The following AGBL1 variants were observed in gnomAD, a reference collection of about 807,000 sequenced individuals.
The protein encoded by AGBL1 is AGBL carboxypeptidase 1.
AGBL1 carries 130 observed loss-of-function variants against 118.9 expected under a neutral mutation model. The observed-to-expected ratio is 1.09, with a 90% CI of 0.95 to 1.26. The LOEUF (loss-of-function observed/expected upper bound fraction) is 1.26, where lower values mean the gene tolerates loss of function less well. Among genes scored for constraint, AGBL1 ranks in the 50% most tolerant of loss-of-function variants. The probability of loss-of-function intolerance (pLI) is 0.00; values close to 1 mark genes in which losing one functional copy is unlikely to be tolerated. For synonymous variants in AGBL1, 555 were observed against 478.9 expected (o/e 1.16, Z -2.08); for missense variants, 1,584 against 1,298.1 (o/e 1.22, Z -3.38).
intron 22 of AGBL1, among the ~76,000 whole-genome samples, chr15:86,698,127 C>T (rs1489157303): frequency 1.3e-5 from 2 of 151,964 alleles, no homozygotes; most frequent in Non-Finnish European, 1.5e-5. Flanking sequence ...CCTACCCCTT[C>T]TTTCTCTTAC....
intron 17 of AGBL1, among the ~76,000 whole-genome samples, chr15:86,384,499 T>C (rs2081156786): frequency 6.6e-6 from 1 of 152,174 alleles, no homozygotes; most frequent in Non-Finnish European, 1.5e-5. Flanking sequence ...CCAACCCAAA[T>C]ACTTTATTAT....
Position 86,696,462 on chromosome 15 carries a change from C to T in AGBL1, c.3158+22026C>T, listed in dbSNP as rs555028905. On this transcript the variant is annotated intron_variant, in intron 22 of 22. Transcript: ENST00000614907. ...CTTTTTCCACCTTTTTACCTTAAGT[C>T]TATATGAGTCCTTATGTGTCAAGTG... Among the ~76,000 whole-genome samples the T allele has an allele frequency of 2.6e-5, 4 of 151,590 alleles. No individual in the cohort carries two copies. The South Asian group carries it at 8.4e-4, about 32-fold the overall frequency.
intron 5 of AGBL1, among the ~76,000 whole-genome samples, chr15:86,202,091 G>A (rs745820352): frequency 1.3e-5 from 2 of 152,056 alleles, no homozygotes; most frequent in African/African-American, 2.4e-5. Context: ...TTAGGAGTTC[G>A]ACACCAGCCT....
chr15:86,284,265 G>A (rs1174258969), intron 16 of AGBL1, among the ~76,000 whole-genome samples: 1 of 149,342 alleles, frequency 6.7e-6, no homozygotes, highest in African/African-American at 2.5e-5. Context: ...TGGGGTAATT[G>A]ATTATGATTA....
chr15:86,515,818 A>G (rs941720050), intron 18 of AGBL1, among the ~76,000 whole-genome samples: 7 of 152,228 alleles, frequency 4.6e-5, no homozygotes, highest in African/African-American at 1.7e-4. Flanking sequence ...CAATCAATTT[A>G]AAAAGTTTGT....
intron 16 of AGBL1, among the ~76,000 whole-genome samples, chr15:86,280,075 C>G (rs560185838): frequency 6.6e-6 from 1 of 152,298 alleles, no homozygotes; most frequent in South Asian, 2.1e-4. Context: ...GAGACTCTGT[C>G]TTTAAAAAGT....
chr15:86,430,320 C>T (rs2081919648), intron 18 of AGBL1, among the ~76,000 whole-genome samples: 1 of 151,820 alleles, frequency 6.6e-6, no homozygotes, highest in Admixed American at 6.6e-5. Context: ...CACGGTGAAA[C>T]CCCATCTCTA....
intron 17 of AGBL1, among the ~76,000 whole-genome samples, chr15:86,390,870 A>C (rs146117207): frequency 0.017 from 2,541 of 151,910 alleles, 70 homozygotes; most frequent in African/African-American, 0.058. Context: ...GGGTTTTGCC[A>C]TGTTGGCCAG....
At chr15:86,750,755 C>T (rs908982064) in intron 22 of AGBL1, among the ~76,000 whole-genome samples, 4 of 151,768 alleles carry the variant, frequency 2.6e-5, no homozygotes, top group Non-Finnish European at 5.9e-5. Context: ...AGCCTAGTAC[C>T]TCTTAGTTAT....
intron 22 of AGBL1, among the ~76,000 whole-genome samples, chr15:86,776,231 A>C (rs138580918): frequency 6.6e-6 from 1 of 152,280 alleles, no homozygotes; most frequent in African/African-American, 2.4e-5. Flanking sequence ...TTACTGAGAG[A>C]CAGTACCTTT....
chr15:86,913,421 G>A lies in AGBL1; in HGVS notation c.*6127G>A, dbSNP rs867219376. The A allele has an allele frequency of 1.3e-5, 2 of 152,236 alleles. No homozygotes were observed. Among genetic ancestry groups the A allele is most frequent in the Non-Finnish European group, 2.9e-5 (2 of 68,062 alleles). The allele number at this position is 152,236 out of a possible 1,614,324, so 9.4% of individuals were successfully genotyped here. ...GCATGTGACATAAACTGTACTTGAAGTGTGTATATATTCTGGGCCAGTTCC... is the reference window on the plus strand; with the variant it reads ...GCATGTGACATAAACTGTACTTGAAATGTGTATATATTCTGGGCCAGTTCC... On this transcript the variant is annotated 3_prime_UTR_variant, in exon 23 of 23. Transcript: ENST00000614907.
intron 22 of AGBL1, among the ~76,000 whole-genome samples, chr15:86,825,994 C>A (rs2079008741): frequency 6.6e-6 from 1 of 151,016 alleles, no homozygotes; most frequent in Non-Finnish European, 1.5e-5. Flanking sequence ...CAGAGAGATT[C>A]CAGGTACCTT....
chr15:86,552,142 A>G (rs1362417912), intron 20 of AGBL1, among the ~76,000 whole-genome samples: 1 of 152,154 alleles, frequency 6.6e-6, no homozygotes, highest in Non-Finnish European at 1.5e-5. Flanking sequence ...ATAGACTTTG[A>G]GTGATGATGT....
At chr15:86,325,863 T>G (rs1005624857) in intron 17 of AGBL1, among the ~76,000 whole-genome samples, 1 of 152,138 alleles carries the variant, frequency 6.6e-6, no homozygotes, top group Admixed American at 6.5e-5. Flanking sequence ...GATAACTTCT[T>G]AATTTTTTCA....
At chr15:86,954,322 C>G (rs1320612830) in intron 23 of AGBL1, among the ~76,000 whole-genome samples, 2 of 152,100 alleles carry the variant, frequency 1.3e-5, no homozygotes, top group Non-Finnish European at 2.9e-5. Context: ...AATAAATTAT[C>G]CTATTCTACC....
At chr15:86,174,370 T>C (rs1567104568) in intron 5 of AGBL1, among the ~76,000 whole-genome samples, 2 of 152,232 alleles carry the variant, frequency 1.3e-5, no homozygotes, top group South Asian at 2.1e-4. Flanking sequence ...TTTCTAAATA[T>C]AATAAGATCA....
intron 22 of AGBL1, among the ~76,000 whole-genome samples, chr15:86,681,701 C>T (rs1410834565): frequency 6.6e-6 from 1 of 152,178 alleles, no homozygotes; most frequent in African/African-American, 2.4e-5. Flanking sequence ...CTTTTATGGT[C>T]TAGCTGGATG....
chr15:86,419,473 A>T (rs2081754240), intron 18 of AGBL1, among the ~76,000 whole-genome samples: 1 of 152,084 alleles, frequency 6.6e-6, no homozygotes, highest in Admixed American at 6.5e-5. Flanking sequence ...GCAGACCAGG[A>T]GAATCCCTTG....
intron 19 of AGBL1, among the ~76,000 whole-genome samples, chr15:86,533,319 C>A (rs2083376520): frequency 7.5e-6 from 1 of 133,294 alleles, no homozygotes; most frequent in South Asian, 2.5e-4. Flanking sequence ...GCAGACACTT[C>A]TCAAAAGAAG....
Sources: gnomAD v4.1 joint callset for allele counts (sites outside exome capture counted in the v4.1 genomes callset) on GRCh38, gnomAD v4.1.1 for gene constraint, MANE v1.5 for transcripts, NCBI Gene and HGNC (gene_info 2026-07-23, HGNC 2026-07-21) for gene names.